Variants in MACROD2 observed in about 807,000 individuals in gnomAD.
MACROD2 encodes mono-ADP ribosylhydrolase 2.
In MACROD2, 36 loss-of-function variants were observed where a neutral mutation model predicts 70.4. The observed-to-expected ratio is 0.51, with a 90% CI of 0.39 to 0.68. The LOEUF (loss-of-function observed/expected upper bound fraction) is 0.68, where lower values mean the gene tolerates loss of function less well. MACROD2 is among the 30% of genes least tolerant of loss of function. The pLI is 0.00. For synonymous variants in MACROD2, 172 were observed against 178.8 expected, an observed-to-expected ratio of 0.96 and a Z score of 0.30; for missense variants, 496 against 538.4, an observed-to-expected ratio of 0.92 and a Z score of 0.78.
intron 5 of MACROD2, among the ~76,000 whole-genome samples, chr20:15,099,602 T>A (rs2075857291): frequency 6.6e-6 from 1 of 152,166 alleles, no homozygotes; most frequent in Non-Finnish European, 1.5e-5. Flanking sequence ...CTGAGCCGAC[T>A]GAGACAATAA....
chr20:15,406,535 A>T (rs548075255), intron 6 of MACROD2, among the ~76,000 whole-genome samples: 23 of 152,220 alleles, frequency 1.5e-4, no homozygotes, highest in Admixed American at 3.3e-4. Flanking sequence ...ACAGGGTAAT[A>T]AGACCAAATG....
chr20:15,563,473 G>A (rs957303313), intron 8 of MACROD2, among the ~76,000 whole-genome samples: 2 of 152,052 alleles, frequency 1.3e-5, no homozygotes, highest in Non-Finnish European at 2.9e-5. Context: ...TTGCATTCAG[G>A]CTTCATGTGA....
rs577923831 is a variant in MACROD2, at chr20:15,416,678, T to G, written c.541-14727T>G. Among the ~76,000 whole-genome samples, 276 of 151,790 alleles carry G rather than the reference T, an allele frequency of 1.8e-3. 1 individual carries two copies. Among genetic ancestry groups the G allele is most frequent in the Middle Eastern group, 6.8e-3 (2 of 294 alleles). On this transcript the variant is annotated intron_variant, in intron 6 of 17. Transcript: ENST00000684519. ...CCAGCACTTTGGGAGGCCGAGGCAG[T>G]CGGATCACGAGGTCAGGAGATCGAG... is the stretch of plus-strand genomic sequence containing the variant.
chr20:14,165,805 T>A (rs2055259553), intron 3 of MACROD2, among the ~76,000 whole-genome samples: 1 of 152,170 alleles, frequency 6.6e-6, no homozygotes, highest in Non-Finnish European at 1.5e-5. Flanking sequence ...AATCCCTCGG[T>A]TATCAGTGTG....
At chr20:15,261,439 G>A (rs1459767204) in intron 6 of MACROD2, among the ~76,000 whole-genome samples, 1 of 151,826 alleles carries the variant, frequency 6.6e-6, no homozygotes, top group Non-Finnish European at 1.5e-5. Flanking sequence ...GGATTAATAA[G>A]CAGGTTAAGT....
intron 6 of MACROD2, among the ~76,000 whole-genome samples, chr20:15,407,305 C>A (rs149392604): frequency 1.3e-5 from 2 of 152,136 alleles, no homozygotes; most frequent in South Asian, 4.1e-4. Context: ...TAAATCACCC[C>A]TCAATGGAAA....
At chr20:15,972,146 G>A (rs563228468) in intron 13 of MACROD2, among the ~76,000 whole-genome samples, 213 of 152,096 alleles carry the variant, frequency 1.4e-3, no homozygotes, top group African/African-American at 4.9e-3. Flanking sequence ...TGAACTTGAA[G>A]ATGAAGCAAT....
chr20:14,342,598 C>T (rs558178562), intron 3 of MACROD2, among the ~76,000 whole-genome samples: 1 of 152,162 alleles, frequency 6.6e-6, no homozygotes, highest in Non-Finnish European at 1.5e-5. Flanking sequence ...AACTATACCA[C>T]ATCTTTCTCA....
chr20:14,853,173 CTGTGTGTGTG>C lies in MACROD2; in HGVS notation c.418+168232_418+168241del, dbSNP rs147348353. ...GTGTGAACAGTGTGTGTGTGTGTGT[CTGTGTGTGTG>C]TGTGTGTGTGTGTGTGTATAAATGG... On this transcript the variant is annotated intron_variant, in intron 5 of 17. Transcript: ENST00000684519. Among the ~76,000 whole-genome samples the C allele has an allele frequency of 6.0e-5, 9 of 149,240 alleles. No individual in the cohort carries two copies. In the East Asian group the frequency reaches 1.8e-3, roughly 29 times the overall value.
chr20:14,907,154 C>A (rs188512161), intron 5 of MACROD2, among the ~76,000 whole-genome samples: 1 of 152,218 alleles, frequency 6.6e-6, no homozygotes, highest in Non-Finnish European at 1.5e-5. Context: ...TTTTGCATGG[C>A]AATAACCTGA....
intron 5 of MACROD2, among the ~76,000 whole-genome samples, chr20:15,037,950 CAA>C (rs11087117): frequency 1.3e-5 from 2 of 151,068 alleles, no homozygotes; most frequent in East Asian, 2.0e-4. Flanking sequence ...GTTCTCACTA[CAA>C]AAAAAAATGA....
intron 4 of MACROD2, among the ~76,000 whole-genome samples, chr20:14,646,137 T>G (rs536661169): frequency 5.9e-5 from 9 of 151,944 alleles, no homozygotes; most frequent in Admixed American, 3.3e-4. Flanking sequence ...AATCATAGCC[T>G]TAAGATCTTT....
intron 3 of MACROD2, among the ~76,000 whole-genome samples, chr20:14,300,549 GA>G (rs1191334017): frequency 6.6e-6 from 1 of 152,182 alleles, no homozygotes; most frequent in African/African-American, 2.4e-5. Flanking sequence ...ATGTCTCACT[GA>G]TGTCTTCCAT....
At chr20:14,038,688 A>G (rs954921151) in intron 2 of MACROD2, among the ~76,000 whole-genome samples, 5 of 152,214 alleles carry the variant, frequency 3.3e-5, no homozygotes, top group Non-Finnish European at 7.3e-5. Context: ...TAATGCCATG[A>G]TGTTTTTAAT....
At position 15,507,570 on chromosome 20, in the gene MACROD2, T is replaced by G. The variant is rs535454260; in HGVS notation, c.645+7723T>G. On this transcript the variant is annotated intron_variant, in intron 8 of 17. Coordinates refer to ENST00000684519, the MANE Select transcript of MACROD2 (RefSeq NM_001351661.2). Reference sequence around the variant, plus strand: ...GCCCGCCCCAGCCCAGACAATCCCTTATCACTCTGAGTCTGTCATTGTCGG... The same window carrying G: ...GCCCGCCCCAGCCCAGACAATCCCTGATCACTCTGAGTCTGTCATTGTCGG... Among the ~76,000 whole-genome samples the G allele has an allele frequency of 2.0e-5, 3 of 151,824 alleles. No individual in the cohort carries two copies. In the East Asian group the frequency reaches 5.8e-4, roughly 29 times the overall value.
At chr20:14,643,094 C>T (rs1985184600) in intron 4 of MACROD2, among the ~76,000 whole-genome samples, 1 of 151,800 alleles carries the variant, frequency 6.6e-6, no homozygotes, top group Non-Finnish European at 1.5e-5. Context: ...AACAAAATAT[C>T]CAAATAAAAC....
chr20:15,307,798 T>G (rs2077712496), intron 6 of MACROD2, among the ~76,000 whole-genome samples: 1 of 152,210 alleles, frequency 6.6e-6, no homozygotes, highest in South Asian at 2.1e-4. Flanking sequence ...TTACATTTTT[T>G]GTCATTTCTT....
intron 5 of MACROD2, among the ~76,000 whole-genome samples, chr20:15,082,528 T>TG (rs1197603600): frequency 1.5e-5 from 2 of 135,638 alleles, no homozygotes. Context: ...AAGAGGTTTT[T>TG]TTTTTTTTTT....
chr20:14,085,684 G>A lies in MACROD2; in HGVS notation c.227G>A (p.Arg76Lys), dbSNP rs768096101. 1 of 1,574,182 alleles carries A rather than the reference G, an allele frequency of 6.4e-7. No homozygotes were observed. Among genetic ancestry groups the A allele is most frequent in the South Asian group, 1.2e-5 (1 of 81,742 alleles). The change falls in exon 3 of 18, where the codon AGA (arginine) becomes AAA (lysine). Residue 76 changes from arginine to lysine, a missense_variant. Coordinates refer to ENST00000684519, the MANE Select transcript of MACROD2 (RefSeq NM_001351661.2). Reference protein sequence around the residue: ...KSLTEKVSLYRGDITLLEVDA... With the variant: ...KSLTEKVSLYKGDITLLEVDA... ...TTGACTGAAAAAGTTTCTCTCTATA[G>A]AGGTGACATCACATTGCTAGAGGTA...
Sources: allele counts gnomAD v4.1 joint callset (sites outside exome capture counted in the v4.1 genomes callset), GRCh38; gene constraint gnomAD v4.1.1; transcripts MANE v1.5; gene names NCBI Gene and HGNC (gene_info 2026-07-23, HGNC 2026-07-21).